ADGRG6: variants seen among roughly 807,000 people sequenced by gnomAD.
ADGRG6 encodes adhesion G protein-coupled receptor G6.
ADGRG6 carries 84 observed loss-of-function variants against 142.4 expected under a neutral mutation model. The observed-to-expected ratio is 0.59, with a 90% CI of 0.49 to 0.71. ADGRG6 has a LOEUF of 0.71. Ranked by LOEUF, ADGRG6 falls within the 30% of genes least tolerant of loss-of-function variation. The pLI, the probability that ADGRG6 is intolerant of heterozygous loss-of-function variation, is 0.00. For missense variants in ADGRG6, 1,367 were observed against 1,466.6 expected, an observed-to-expected ratio of 0.93 and a Z score of 1.11; for synonymous variants, 521 against 520.5, an observed-to-expected ratio of 1.00 and a Z score of -0.01.
chr6:142,432,633 A>C (rs1235554260), intron 22 of ADGRG6, among the ~76,000 whole-genome samples: 1 of 152,184 alleles, frequency 6.6e-6, no homozygotes, highest in Non-Finnish European at 1.5e-5. Context: ...AAAAATAGGC[A>C]ATGTCATTTA....
At chr6:142,321,356 C>G (rs1473626880) in intron 2 of ADGRG6, among the ~76,000 whole-genome samples, 2 of 150,710 alleles carry the variant, frequency 1.3e-5, no homozygotes. Context: ...GGGTATTTAT[C>G]CAAAAGAAAT....
chr6:142,311,444 C>T (rs1253997659), intron 2 of ADGRG6, among the ~76,000 whole-genome samples: 2 of 151,772 alleles, frequency 1.3e-5, no homozygotes, highest in African/African-American at 2.4e-5. Flanking sequence ...TTTAGAGGGT[C>T]TTATAGGTAT....
intron 4 of ADGRG6, among the ~76,000 whole-genome samples, chr6:142,377,196 A>G (rs989853263): frequency 6.6e-6 from 1 of 152,236 alleles, no homozygotes; most frequent in Non-Finnish European, 1.5e-5. Flanking sequence ...GCACACGGAC[A>G]CATCGAGTGG....
chr6:142,368,773 A>G (rs1254241480), intron 3 of ADGRG6, among the ~76,000 whole-genome samples: 1 of 152,162 alleles, frequency 6.6e-6, no homozygotes, highest in Non-Finnish European at 1.5e-5. Context: ...TAAATTTTTC[A>G]AAATATTTTA....
At chr6:142,346,050 G>A (rs1290301925) in intron 2 of ADGRG6, among the ~76,000 whole-genome samples, 1 of 152,110 alleles carries the variant, frequency 6.6e-6, no homozygotes, top group Non-Finnish European at 1.5e-5. Flanking sequence ...AATCCCTACT[G>A]TGTCTTTAGG....
chr6:142,329,950 C>T (rs1778962529), intron 2 of ADGRG6, among the ~76,000 whole-genome samples: 2 of 152,148 alleles, frequency 1.3e-5, no homozygotes, highest in Non-Finnish European at 2.9e-5. Flanking sequence ...CTCTCCACTG[C>T]AGCCCATATA....
chr6:142,305,040 A>G (rs1442056223), intron 1 of ADGRG6, among the ~76,000 whole-genome samples: 1 of 152,246 alleles, frequency 6.6e-6, no homozygotes, highest in Non-Finnish European at 1.5e-5. Context: ...CATATTTAAA[A>G]TAAGTCGTTA....
intron 2 of ADGRG6, among the ~76,000 whole-genome samples, chr6:142,343,312 A>G (rs988498740): frequency 1.3e-5 from 2 of 151,810 alleles, no homozygotes; most frequent in Non-Finnish European, 3.0e-5. Context: ...TTCAATAACC[A>G]AAGATGACAA....
chr6:142,391,120 A>G (rs1774874012), intron 7 of ADGRG6, among the ~76,000 whole-genome samples: 1 of 151,802 alleles, frequency 6.6e-6, no homozygotes, highest in Non-Finnish European at 1.5e-5. Context: ...AATTTAAAAA[A>G]TTTAACATTT....
At chr6:142,413,905 A>T (rs945632636) in intron 18 of ADGRG6, among the ~76,000 whole-genome samples, 59 of 131,966 alleles carry the variant, frequency 4.5e-4, no homozygotes, top group Admixed American at 1.7e-3. Flanking sequence ...TTTATCACAC[A>T]CACACACACA....
At chr6:142,436,522 G>A (rs1243201542) in intron 22 of ADGRG6, among the ~76,000 whole-genome samples, 1 of 152,084 alleles carries the variant, frequency 6.6e-6, no homozygotes, top group Non-Finnish European at 1.5e-5. Context: ...GAGAAAAAGG[G>A]GAGGCAGCAA....
At chr6:142,371,728 G>T (rs188798064) in intron 4 of ADGRG6, among the ~76,000 whole-genome samples, 1 of 151,842 alleles carries the variant, frequency 6.6e-6, no homozygotes, top group Admixed American at 6.6e-5. Flanking sequence ...CTCGTGATCG[G>T]CCCACCTTGG....
Position 142,370,333 on chromosome 6 carries a change from C to T in ADGRG6, c.609C>T (p.Ser203=), listed in dbSNP as rs749704867. The change falls in exon 4 of 25, where the codon TCC becomes TCT. Residue 203 remains serine (S), a synonymous_variant. Coordinates refer to ENST00000367609, the MANE Select transcript of ADGRG6 (RefSeq NM_198569.3). ...GHEDSDWTAF[S]YSNASFTQLL... ...AAGACAGTGATTGGACAGCTTTCTC[C>T]TACTCAAATGCATCCTTCACACAAT... The T allele has an allele frequency of 6.2e-7, 1 of 1,613,688 alleles. No individual in the cohort carries two copies. The highest frequency in any genetic ancestry group is 8.5e-7 in the Non-Finnish European group (1 of 1,179,640).
At chr6:142,363,724 C>T (rs1028140812) in intron 2 of ADGRG6, among the ~76,000 whole-genome samples, 2 of 152,056 alleles carry the variant, frequency 1.3e-5, no homozygotes, top group African/African-American at 4.8e-5. Context: ...AATTAGGTAG[C>T]CCTGACTCTT....
intron 2 of ADGRG6, among the ~76,000 whole-genome samples, chr6:142,338,027 T>TTTTTTGTTTTTTTG (rs1554234631): frequency 1.7e-5 from 1 of 58,002 alleles, no homozygotes; most frequent in Non-Finnish European, 3.4e-5. Context: ...GTTTTTTTTT[T>TTTTTTGTTTTTTTG]TTTTTTTTTT....
chr6:142,317,319 G>A (rs1778134599), intron 2 of ADGRG6, among the ~76,000 whole-genome samples: 2 of 151,872 alleles, frequency 1.3e-5, no homozygotes, highest in Non-Finnish European at 2.9e-5. Context: ...GTGTCCATTT[G>A]CAAACATGAT....
intron 2 of ADGRG6, among the ~76,000 whole-genome samples, chr6:142,352,941 A>G (rs1308797245): frequency 6.6e-6 from 1 of 152,172 alleles, no homozygotes; most frequent in Non-Finnish European, 1.5e-5. Flanking sequence ...GCATGCCACA[A>G]GGTATTCAGA....
chr6:142,431,859 G>T (rs1311058714), intron 22 of ADGRG6, among the ~76,000 whole-genome samples: 1 of 152,048 alleles, frequency 6.6e-6, no homozygotes, highest in Non-Finnish European at 1.5e-5. Flanking sequence ...GGGGGCAGAG[G>T]TTGCAGTGAG....
chr6:142,390,251 TG>T lies in ADGRG6; in HGVS notation c.1223-4del. Reference sequence around the variant, plus strand: ...ATTAATGGACTAATCCTATTTCCAATGGGCAGATGGAATTATCTATAGAATA... The same window carrying T: ...ATTAATGGACTAATCCTATTTCCAATGGCAGATGGAATTATCTATAGAATA... On this transcript the variant is annotated splice_region_variant and splice_polypyrimidine_tract_variant and intron_variant, in intron 6 of 24. Transcript: ENST00000367609. The T allele has an allele frequency of 6.8e-7, 1 of 1,471,590 alleles. No homozygotes were observed. The highest frequency in any genetic ancestry group is 9.4e-7 in the Non-Finnish European group (1 of 1,064,434). 91.2% of individuals were successfully genotyped at this position (1,471,590 alleles called of 1,614,324 possible). A position where few individuals can be genotyped will look rare whatever the true frequency, so the allele number is the denominator to read the frequency against.
Sources: allele counts gnomAD v4.1 joint callset (sites outside exome capture counted in the v4.1 genomes callset), GRCh38; gene constraint gnomAD v4.1.1; transcripts MANE v1.5; gene names NCBI Gene and HGNC (gene_info 2026-07-23, HGNC 2026-07-21).